LUZP2: variants seen among roughly 807,000 people sequenced by gnomAD.
LUZP2 encodes the protein leucine zipper protein 2.
A neutral mutation model predicts 51.6 loss-of-function variants in LUZP2; 52 were observed. The observed-to-expected ratio is 1.01, with a 90% CI of 0.81 to 1.27. The LOEUF (loss-of-function observed/expected upper bound fraction) is 1.27. Ranked by LOEUF, LUZP2 falls within the 50% of genes most tolerant of loss-of-function variation. LUZP2 has a pLI of 0.00. For synonymous variants in LUZP2, 154 were observed against 137.3 expected, an observed-to-expected ratio of 1.12 and a Z score of -0.85; for missense variants, 436 against 395.4, an observed-to-expected ratio of 1.10 and a Z score of -0.87.
chr11:25,026,611 C>G (rs544687642), intron 9 of LUZP2, among the ~76,000 whole-genome samples: 2 of 151,916 alleles, frequency 1.3e-5, no homozygotes, highest in South Asian at 4.1e-4. Flanking sequence ...TTTGTGTGGC[C>G]TCTATTATTT....
At chr11:24,715,049 A>T (rs891209793) in intron 1 of LUZP2, among the ~76,000 whole-genome samples, 5 of 152,144 alleles carry the variant, frequency 3.3e-5, no homozygotes, top group African/African-American at 9.7e-5. Context: ...GGACCTGAGG[A>T]GTTGCTTAGG....
At chr11:24,974,211 C>G (rs1170598217) in intron 7 of LUZP2, among the ~76,000 whole-genome samples, 1 of 151,860 alleles carries the variant, frequency 6.6e-6, no homozygotes, top group Non-Finnish European at 1.5e-5. Flanking sequence ...CTTTTTTGGT[C>G]TTTGTTGGTT....
At chr11:24,847,540 T>C (rs2716520) in intron 5 of LUZP2, among the ~76,000 whole-genome samples, 1 of 152,004 alleles carries the variant, frequency 6.6e-6, no homozygotes, top group Non-Finnish European at 1.5e-5. Flanking sequence ...ATTATGTAGA[T>C]TTTTCTCAAC....
At chr11:24,972,960 C>T (rs1428303978) in intron 7 of LUZP2, among the ~76,000 whole-genome samples, 1 of 151,682 alleles carries the variant, frequency 6.6e-6, no homozygotes, top group African/African-American at 2.4e-5. Context: ...GGGGAGGAGT[C>T]CTTCCTTTTC....
chr11:25,025,125 T>C (rs1020679840), intron 9 of LUZP2, among the ~76,000 whole-genome samples: 2 of 152,072 alleles, frequency 1.3e-5, no homozygotes, highest in Admixed American at 6.6e-5. Context: ...CCCTTCCTTA[T>C]ACCTTATACA....
chr11:25,062,604 A>G (rs1355835516), intron 10 of LUZP2, among the ~76,000 whole-genome samples: 1 of 148,922 alleles, frequency 6.7e-6, no homozygotes, highest in Admixed American at 6.7e-5. Context: ...AAAAAAAAAA[A>G]AAAAAAAAAG....
chr11:24,956,414 G>A (rs779702674), intron 7 of LUZP2, among the ~76,000 whole-genome samples: 11 of 152,002 alleles, frequency 7.2e-5, no homozygotes, highest in Non-Finnish European at 1.2e-4. Flanking sequence ...ATACGTTTTC[G>A]ATGTTTTAAG....
chr11:24,797,310 G>A (rs55691548), intron 5 of LUZP2, among the ~76,000 whole-genome samples: 3,123 of 152,188 alleles, frequency 0.021, 112 homozygotes, highest in African/African-American at 0.072. Context: ...TCCAAGGGTC[G>A]TAGAAATTCT....
At chr11:25,030,903 A>T in intron 9 of LUZP2, among the ~76,000 whole-genome samples, 1 of 44,896 alleles carries the variant, frequency 2.2e-5, no homozygotes, top group East Asian at 3.5e-4. Context: ...ATATATATAT[A>T]TAATATATAT....
At chr11:24,528,827 T>TCA (rs1307594492) in intron 1 of LUZP2, among the ~76,000 whole-genome samples, 2 of 151,232 alleles carry the variant, frequency 1.3e-5, no homozygotes, top group African/African-American at 4.8e-5. Context: ...CTGCTTAAAA[T>TCA]CATTAAATAA....
chr11:24,955,571 T>G (rs183198591), intron 7 of LUZP2, among the ~76,000 whole-genome samples: 35 of 152,078 alleles, frequency 2.3e-4, no homozygotes, highest in Admixed American at 5.9e-4. Context: ...CCTGATAATA[T>G]ATAAATTCCA....
chr11:25,026,165 A>T (rs1212010915), intron 9 of LUZP2, among the ~76,000 whole-genome samples: 1 of 142,132 alleles, frequency 7.0e-6, no homozygotes, highest in Non-Finnish European at 1.5e-5. Context: ...GGGGGGAGGG[A>T]TAGCATTAGG....
chr11:25,058,102 A>G (rs1243059745), intron 10 of LUZP2, among the ~76,000 whole-genome samples: 1 of 152,078 alleles, frequency 6.6e-6, no homozygotes, highest in Non-Finnish European at 1.5e-5. Context: ...GCTACATTCC[A>G]TCAGAACATC....
Position 24,958,067 on chromosome 11 carries a change from C to CA in LUZP2, c.523-18521dup, listed in dbSNP as rs554351560. Among the ~76,000 whole-genome samples the CA allele has an allele frequency of 3.6e-3, 542 of 152,272 alleles. 2 individuals carry two copies. Among genetic ancestry groups the CA allele is most frequent in the Admixed American group, 8.2e-3 (125 of 15,292 alleles). On this transcript the variant is annotated intron_variant, in intron 7 of 11. Transcript: ENST00000336930. Reference sequence around the variant, plus strand: ...ATTTCCAGCTTCATCCATGTCCCTACAAAGGACATGAACTCATCATTTTTT... The same window carrying CA: ...ATTTCCAGCTTCATCCATGTCCCTACAAAAGGACATGAACTCATCATTTTTT...
At chr11:24,872,689 G>T (rs1054422548) in intron 5 of LUZP2, among the ~76,000 whole-genome samples, 6 of 152,062 alleles carry the variant, frequency 3.9e-5, no homozygotes, top group African/African-American at 1.2e-4. Context: ...ACACCCTGTG[G>T]GTTTTAGTTT....
intron 1 of LUZP2, among the ~76,000 whole-genome samples, chr11:24,566,645 C>CAA (rs1393236608): frequency 7.0e-6 from 1 of 142,162 alleles, no homozygotes; most frequent in Admixed American, 7.2e-5. Context: ...CACACACACA[C>CAA]AAAAATTAGC....
chr11:24,751,676 T>A, intron 4 of LUZP2: 2 of 466,944 alleles, frequency 4.3e-6, no homozygotes, highest in Non-Finnish European at 5.6e-6. Context: ...GCCCTTTTCC[T>A]GTACCCATTG....
intron 1 of LUZP2, among the ~76,000 whole-genome samples, chr11:24,615,619 G>A (rs1365376822): frequency 6.6e-6 from 1 of 151,962 alleles, no homozygotes; most frequent in South Asian, 2.1e-4. Flanking sequence ...TTCTGAACAA[G>A]TTTCTATGTG....
At chr11:24,622,108 T>A (rs1234070394) in intron 1 of LUZP2, among the ~76,000 whole-genome samples, 2 of 151,876 alleles carry the variant, frequency 1.3e-5, no homozygotes, top group African/African-American at 4.8e-5. Context: ...GCCCAGATAA[T>A]TTTTGTATTT....
Sources: allele counts gnomAD v4.1 joint callset (sites outside exome capture counted in the v4.1 genomes callset), GRCh38; gene constraint gnomAD v4.1.1; transcripts MANE v1.5; gene names NCBI Gene and HGNC (gene_info 2026-07-23, HGNC 2026-07-21).